DCAF6: variants seen among roughly 807,000 people sequenced by gnomAD.
DCAF6 encodes the protein DDB1 and CUL4 associated factor 6, also known as DDB1- and CUL4-associated factor 6.
DCAF6 carries 54 observed loss-of-function variants against 125.1 expected under a neutral mutation model. The observed-to-expected ratio is 0.43, with a 90% CI of 0.35 to 0.54. The LOEUF (loss-of-function observed/expected upper bound fraction) is 0.54. DCAF6 is among the 20% of genes least tolerant of loss of function. The pLI is 0.01. For synonymous variants in DCAF6, 371 were observed against 390.4 expected (o/e 0.95, Z 0.58); for missense variants, 934 against 1,161.7 (o/e 0.80, Z 2.85).
chr1:167,870,554 A>T, the DCAF6 span: 1 of 645,460 alleles, frequency 1.5e-6, no homozygotes, highest in Admixed American at 2.6e-5. Flanking sequence ...GCACTTTGGG[A>T]GGCCGAGGTG....
the DCAF6 span, among the ~76,000 whole-genome samples, chr1:167,919,688 T>C: frequency 6.6e-6 from 1 of 152,322 alleles, no homozygotes. Context: ...TGGTTAACCA[T>C]CTAAATGATG....
chr1:167,992,180 C>A lies in DCAF6; in HGVS notation c.688+841C>A, dbSNP rs375629127. ...TCTTTCCCTTCACTCACTATAGGAT[C>A]AAAGTACTTCCAAAATAAACAATTA... On this transcript the variant is annotated intron_variant, in intron 6 of 21. Transcript: ENST00000367840. Among the ~76,000 whole-genome samples the A allele has an allele frequency of 2.0e-5, 3 of 151,148 alleles. No individual in the cohort carries two copies. In the South Asian group the frequency reaches 6.2e-4, roughly 31 times the overall value.
intron 12 of DCAF6, among the ~76,000 whole-genome samples, chr1:168,025,534 A>G (rs1174423277): frequency 2.0e-5 from 3 of 152,162 alleles, no homozygotes; most frequent in Non-Finnish European, 4.4e-5. Flanking sequence ...CTAATGGTGG[A>G]AAATATATCT....
At chr1:167,901,952 A>G in the DCAF6 span, 4 of 1,608,680 alleles carry the variant, frequency 2.5e-6, no homozygotes, top group South Asian at 1.1e-5. Context: ...TTTGTCCCCA[A>G]CACAGAAGCA....
In DCAF6 at chr1:167,950,245, C is replaced by CAAA. The variant is rs1673717906; in HGVS notation, c.98-1555_98-1554insAAA. Among the ~76,000 whole-genome samples, 4 of 151,602 alleles carry CAAA rather than the reference C, an allele frequency of 2.6e-5. No individual in the cohort carries two copies. In the South Asian group the frequency reaches 8.3e-4, roughly 31 times the overall value. On this transcript the variant is annotated intron_variant, in intron 1 of 21. Coordinates refer to ENST00000367840, the MANE Select transcript of DCAF6 (RefSeq NM_001198956.2). ...TATTGTTAATTTGAATACTTTGTTT[C>CAAA]TTAACTCGTATAACTCAATGAGATT... is the stretch of plus-strand genomic sequence containing the variant.
At chr1:167,966,482 G>T in intron 2 of DCAF6, 147 bp from the exon 3 acceptor site, 1 of 574,124 alleles carries the variant, frequency 1.7e-6, no homozygotes, top group Non-Finnish European at 3.1e-6. Context: ...GCCAAGGGAA[G>T]CCATAAGATT....
At chr1:167,955,836 C>T (rs1327341747) in intron 2 of DCAF6, among the ~76,000 whole-genome samples, 1 of 152,216 alleles carries the variant, frequency 6.6e-6, no homozygotes, top group African/African-American at 2.4e-5. Flanking sequence ...TCATAGCTCA[C>T]TATAGCCTCG....
At chr1:167,902,104 T>TA in the DCAF6 span, 21 of 1,528,544 alleles carry the variant, frequency 1.4e-5, no homozygotes, top group Non-Finnish European at 1.7e-5. Context: ...TTAAAGGTAG[T>TA]AAAAAAACAT....
At chr1:167,914,897 T>A in the DCAF6 span, among the ~76,000 whole-genome samples, 1 of 151,380 alleles carries the variant, frequency 6.6e-6, no homozygotes, top group African/African-American at 2.4e-5. Context: ...ACAGTTGTCT[T>A]AGGGAGGAAA....
intron 2 of DCAF6, among the ~76,000 whole-genome samples, chr1:167,964,498 T>G (rs1249106047): frequency 6.6e-6 from 1 of 152,204 alleles, no homozygotes; most frequent in Non-Finnish European, 1.5e-5. Flanking sequence ...TTTTCTTTAG[T>G]TTGAAAAATG....
intron 10 of DCAF6, among the ~76,000 whole-genome samples, chr1:168,014,096 A>G (rs74120596): frequency 0.03 from 4,573 of 152,116 alleles, 238 homozygotes; most frequent in African/African-American, 0.1. Context: ...TCTGTTCTCC[A>G]CTAATAGCAA....
At chr1:168,055,871 T>C (rs1339510528) in intron 17 of DCAF6, 1 of 1,363,526 alleles carries the variant, frequency 7.3e-7, no homozygotes, top group African/African-American at 1.6e-5. Context: ...CTTGCGTTAT[T>C]TCATACTAGT....
intron 3 of DCAF6, chr1:167,968,349 C>T (rs766343706): frequency 1.3e-5 from 2 of 152,144 alleles, no homozygotes; most frequent in African/African-American, 4.8e-5. Flanking sequence ...AAGAAGAGAC[C>T]CCCCCGTGCT....
intron 9 of DCAF6, among the ~76,000 whole-genome samples, chr1:168,004,262 C>G (rs1683039195): frequency 6.6e-6 from 1 of 151,770 alleles, no homozygotes; most frequent in African/African-American, 2.4e-5. Context: ...TTAATGCACT[C>G]TGAGAATGGA....
chr1:168,060,089 G>C (rs772987885), intron 17 of DCAF6, among the ~76,000 whole-genome samples: 12 of 152,162 alleles, frequency 7.9e-5, no homozygotes, highest in Non-Finnish European at 1.5e-5. Flanking sequence ...GTCCCCTGCT[G>C]ATATTTAGAA....
the DCAF6 span, among the ~76,000 whole-genome samples, chr1:167,868,016 G>A: frequency 6.6e-6 from 1 of 152,118 alleles, no homozygotes; most frequent in Non-Finnish European, 1.5e-5. Context: ...AGAAGTACAC[G>A]TATCTCTGGG....
chr1:168,023,040 G>A lies in DCAF6; in HGVS notation c.1602G>A (p.Glu534=). Reference sequence around the variant, plus strand: ...AGCTCGGATCCATGTCACTTGACGAGCAACAGGGTGCGTGCAACAGGAGAT... The same window carrying A: ...AGCTCGGATCCATGTCACTTGACGAACAACAGGGTGCGTGCAACAGGAGAT... The part of the protein sequence containing the change: ...NKQLGSMSLD[E]QQDNNNEKLS... Residue 534 remains glutamate (E), a synonymous_variant, in exon 12 of 22, where the codon GAG becomes GAA. Coordinates refer to ENST00000367840, the MANE Select transcript of DCAF6 (RefSeq NM_001198956.2). The A allele has an allele frequency of 6.2e-7, 1 of 1,614,130 alleles. No individual in the cohort carries two copies. Among genetic ancestry groups the A allele is most frequent in the South Asian group, 1.1e-5 (1 of 91,072 alleles).
the DCAF6 span, among the ~76,000 whole-genome samples, chr1:167,929,588 C>T: frequency 2.6e-5 from 4 of 152,262 alleles, no homozygotes; most frequent in East Asian, 7.7e-4. Flanking sequence ...CCTTGAACTT[C>T]AATGAACCTA....
At chr1:167,898,713 G>T in the DCAF6 span, among the ~76,000 whole-genome samples, 1 of 152,080 alleles carries the variant, frequency 6.6e-6, no homozygotes, top group Non-Finnish European at 1.5e-5. Flanking sequence ...GGGTGGTGGT[G>T]GTGAGGGTTG....
Sources: gnomAD v4.1 joint callset for allele counts (sites outside exome capture counted in the v4.1 genomes callset) on GRCh38, gnomAD v4.1.1 for gene constraint, MANE v1.5 for transcripts, NCBI Gene and HGNC (gene_info 2026-07-23, HGNC 2026-07-21) for gene names.